Variants in ZNF189 observed in about 807,000 individuals in gnomAD.
The protein encoded by ZNF189 is zinc finger protein 189.
ZNF189 carries 33 observed loss-of-function variants against 53.5 expected under a neutral mutation model. The ratio of observed to expected loss-of-function variants is 0.62; its 90% CI spans 0.47 to 0.82. The LOEUF is 0.82. ZNF189 is among the 40% of genes least tolerant of loss of function. The pLI, the probability that ZNF189 is intolerant of heterozygous loss-of-function variation, is 0.00. For synonymous variants in ZNF189, 247 were observed against 238.8 expected, an observed-to-expected ratio of 1.03 and a Z score of -0.32; for missense variants, 711 against 753.9, an observed-to-expected ratio of 0.94 and a Z score of 0.67.
In ZNF189 at chr9:101,408,057, G is replaced by T; in HGVS notation, c.289G>T (p.Gly97Cys). Residue 97 changes from glycine to cysteine, a missense_variant, in exon 3 of 3, where the codon GGT becomes TGT. Physicochemically the swap from Gly to Cys is radical, Grantham distance 159 (BLOSUM62 -3). Coordinates refer to ENST00000339664, the MANE Select transcript of ZNF189 (RefSeq NM_003452.4). ...AAGTGAAATTGACCAGGATCCTATGGGTAGAGAAACATTTGAACTTGTTGG... is the reference window on the plus strand; with the variant it reads ...AAGTGAAATTGACCAGGATCCTATGTGTAGAGAAACATTTGAACTTGTTGG... Reference protein sequence around the residue: ...IKSEIDQDPMGRETFELVGRL... With the variant: ...IKSEIDQDPMCRETFELVGRL... The T allele has an allele frequency of 6.2e-7, 1 of 1,613,974 alleles. No individual in the cohort carries two copies. The highest frequency in any genetic ancestry group is 8.5e-7 in the Non-Finnish European group (1 of 1,179,978).
Position 101,398,966 on chromosome 9 carries a change from G to T in ZNF189, c.-191G>T. On this transcript the variant is annotated 5_prime_UTR_variant, in exon 1 of 3. Transcript: ENST00000339664. ...GTAGGGGTTGGGGTTCGGGGTTGGG[G>T]GACAGCCAGGGATCGCGTCTGATAT... The T allele has an allele frequency of 1.5e-6, 1 of 682,306 alleles. No homozygotes were observed. The highest frequency in any genetic ancestry group is 2.7e-6 in the Non-Finnish European group (1 of 371,076). The allele number at this position is 682,306 out of a possible 1,614,324, so 42.3% of individuals were successfully genotyped here. A position where few individuals can be genotyped will look rare whatever the true frequency, so the allele number is the denominator to read the frequency against.
In ZNF189 at chr9:101,409,374, G is replaced by A. The variant is rs1412947254; in HGVS notation, c.1606G>A (p.Gly536Ser). ...NLIRHQGVHT[G>S]NKPHKCDECG... ...TATTCGACATCAGGGTGTTCACACA[G>A]GTAATAAACCCCATAAATGTGATGA... The change falls in exon 3 of 3, where the codon GGT (glycine) becomes AGT (serine). Residue 536 changes from glycine (G) to serine (S), a missense_variant. By Grantham distance (56) the Gly-to-Ser change is moderately conservative (BLOSUM62 0). Coordinates refer to ENST00000339664, the MANE Select transcript of ZNF189 (RefSeq NM_003452.4). 6.2e-7 allele frequency: 1 copy of A among 1,614,120 alleles called. No individual in the cohort carries two copies. Among genetic ancestry groups the A allele is most frequent in the South Asian group, 1.1e-5 (1 of 91,082 alleles).
rs531734624 is a variant in ZNF189, at chr9:101,402,051, A to T, written c.160+2041A>T. Among the ~76,000 whole-genome samples, 327 of 152,172 alleles carry T rather than the reference A, an allele frequency of 2.1e-3. 3 individuals carry two copies. Among genetic ancestry groups the T allele is most frequent in the Non-Finnish European group, 5.1e-4 (35 of 68,008 alleles). ...TGCCTCAGCCTCCTGAGTAGCCGAG[A>T]CAAACAGGCATGCACCGCCACACCC... On this transcript the variant is annotated intron_variant, in intron 2 of 2. Coordinates refer to ENST00000339664, the MANE Select transcript of ZNF189 (RefSeq NM_003452.4).
Position 101,409,178 on chromosome 9 carries a change from T to A in ZNF189, c.1410T>A (p.His470Gln). Reference sequence around the variant, plus strand: ...GGAAAACTTTTAGTGTTAGTGCTCATCTTGTACAACATCAAAGAATCCACA... The same window carrying A: ...GGAAAACTTTTAGTGTTAGTGCTCAACTTGTACAACATCAAAGAATCCACA... ...ECGKTFSVSA[H>Q]LVQHQRIHTG... The change falls in exon 3 of 3, where the codon CAT (histidine) becomes CAA (glutamine). Residue 470 changes from histidine to glutamine, a missense_variant. His to Gln is a conservative substitution (Grantham distance 24). Transcript: ENST00000339664. 1.9e-6 allele frequency: 3 copies of A among 1,614,010 alleles called. No individual in the cohort carries two copies. The highest frequency in any genetic ancestry group is 2.5e-6 in the Non-Finnish European group (3 of 1,180,004).
Position 101,409,757 on chromosome 9 carries a change from C to A in ZNF189, c.*108C>A. ...TAGTGATAAAGCAAATTCTCCTTGGCCTCAGGCAAATAGTTTCTAAAGATT... is the reference window on the plus strand; with the variant it reads ...TAGTGATAAAGCAAATTCTCCTTGGACTCAGGCAAATAGTTTCTAAAGATT... On this transcript the variant is annotated 3_prime_UTR_variant, in exon 3 of 3. Coordinates refer to ENST00000339664, the MANE Select transcript of ZNF189 (RefSeq NM_003452.4). 1 of 1,282,940 alleles carries A rather than the reference C, an allele frequency of 7.8e-7. No homozygotes were observed. The highest frequency in any genetic ancestry group is 1.0e-6 in the Non-Finnish European group (1 of 957,508). The allele number at this position is 1,282,940 out of a possible 1,614,324, so 79.5% of individuals were successfully genotyped here.
At position 101,409,216 on chromosome 9, in the gene ZNF189, C is replaced by A. The variant is rs760600158; in HGVS notation, c.1448C>A (p.Pro483His). 4 of 1,613,440 alleles carry A rather than the reference C, an allele frequency of 2.5e-6. No homozygotes were observed. Among genetic ancestry groups the A allele is most frequent in the Non-Finnish European group, 3.4e-6 (4 of 1,179,546 alleles). ...CAAAGAATCCACACTGGTGAAAAGC[C>A]CTATCTATGTACTGTCTGTGGGAAA... Reference protein sequence around the residue: ...QHQRIHTGEKPYLCTVCGKSF... With the variant: ...QHQRIHTGEKHYLCTVCGKSF... The change falls in exon 3 of 3, where the codon CCC becomes CAC. Residue 483 changes from proline to histidine, a missense_variant. Coordinates refer to ENST00000339664, the MANE Select transcript of ZNF189 (RefSeq NM_003452.4).
Position 101,409,266 on chromosome 9 carries a change from A to C in ZNF189, c.1498A>C (p.Ile500Leu). Residue 500 changes from isoleucine (I) to leucine (L), a missense_variant, in exon 3 of 3, where the codon ATT becomes CTT. Coordinates refer to ENST00000339664, the MANE Select transcript of ZNF189 (RefSeq NM_003452.4). The stretch of plus-strand genomic sequence containing the variant: ...AAGCTTCAGCCGGAGCTCATTTCTT[A>C]TTGAACATCAGAGAATCCACACTGG... ...GKSFSRSSFLIEHQRIHTGER... is the reference protein window; with the variant it reads ...GKSFSRSSFLLEHQRIHTGER... 1 of 1,613,558 alleles carries C rather than the reference A, an allele frequency of 6.2e-7. No homozygotes were observed. The highest frequency in any genetic ancestry group is 8.5e-7 in the Non-Finnish European group (1 of 1,179,546).
chr9:101,403,764 A>C (rs1929489), intron 2 of ZNF189, among the ~76,000 whole-genome samples: 12,058 of 152,234 alleles, frequency 0.079, 542 homozygotes, highest in Middle Eastern at 0.16. Flanking sequence ...ATGGGGGCCC[A>C]ACCTTCATGA....
chr9:101,408,835 G>A lies in ZNF189; in HGVS notation c.1067G>A (p.Ser356Asn), dbSNP rs746065947. 1 of 1,614,138 alleles carries A rather than the reference G, an allele frequency of 6.2e-7. No homozygotes were observed. The highest frequency in any genetic ancestry group is 2.2e-5 in the East Asian group (1 of 44,878). Residue 356 changes from serine (S) to asparagine (N), a missense_variant, in exon 3 of 3, where the codon AGC becomes AAC. By Grantham distance (46) the Ser-to-Asn change is conservative. Transcript: ENST00000339664. Reference protein sequence around the residue: ...CIECGKSFSRSSFLIEHQRIH... With the variant: ...CIECGKSFSRNSFLIEHQRIH... ...GAGTGTGGAAAAAGTTTCAGTCGGA[G>A]CTCATTCCTTATTGAACATCAGAGG...
intron 2 of ZNF189, among the ~76,000 whole-genome samples, chr9:101,404,248 C>T (rs1219696251): frequency 6.6e-6 from 1 of 152,216 alleles, no homozygotes; most frequent in Non-Finnish European, 1.5e-5. Context: ...TTCGCTTTAA[C>T]AATATATTAC....
chr9:101,409,239 A>C lies in ZNF189; in HGVS notation c.1471A>C (p.Lys491Gln). 6.2e-7 allele frequency: 1 copy of C among 1,613,520 alleles called. No individual in the cohort carries two copies. Among genetic ancestry groups the C allele is most frequent in the Non-Finnish European group, 8.5e-7 (1 of 1,179,548 alleles). ...GCCCTATCTATGTACTGTCTGTGGG[A>C]AAAGCTTCAGCCGGAGCTCATTTCT... is the stretch of plus-strand genomic sequence containing the variant. ...EKPYLCTVCG[K>Q]SFSRSSFLIE... Residue 491 changes from lysine to glutamine, a missense_variant, in exon 3 of 3, where the codon AAA becomes CAA. Coordinates refer to ENST00000339664, the MANE Select transcript of ZNF189 (RefSeq NM_003452.4).
intron 2 of ZNF189, among the ~76,000 whole-genome samples, chr9:101,405,679 G>A (rs1023288211): frequency 1.3e-5 from 2 of 151,672 alleles, no homozygotes; most frequent in Admixed American, 6.6e-5. Context: ...AGTAGGGAAG[G>A]AAATAAAAGA....
Position 101,409,562 on chromosome 9 carries a change from C to G in ZNF189, c.1794C>G (p.Thr598=), listed in dbSNP as rs1198853103. ...KIHAEVKTQE[T]HECDACGEAF... ...ATGCAGAGGTGAAAACCCAAGAAAC[C>G]CATGAATGTGACGCTTGTGGTGAAG... The change falls in exon 3 of 3, where the codon ACC becomes ACG. Residue 598 remains threonine, a synonymous_variant. Transcript: ENST00000339664. The G allele has an allele frequency of 6.2e-7, 1 of 1,614,022 alleles. No homozygotes were observed. The highest frequency in any genetic ancestry group is 8.5e-7 in the Non-Finnish European group (1 of 1,179,990).
chr9:101,399,204 C>T lies in ZNF189; in HGVS notation c.33+15C>T, dbSNP rs376452157. 8.2e-6 allele frequency: 13 copies of T among 1,578,596 alleles called. No homozygotes were observed. The African/African-American group carries it at 9.4e-5, about 11-fold the overall frequency. ...CGGAGTCGAAGGTAAGTAAGCACCCCCCCGGGGATCCCGGTTGTCTCGCCG... is the reference window on the plus strand; with the variant it reads ...CGGAGTCGAAGGTAAGTAAGCACCCTCCCGGGGATCCCGGTTGTCTCGCCG... On this transcript the variant is annotated intron_variant, in intron 1 of 2. Coordinates refer to ENST00000339664, the MANE Select transcript of ZNF189 (RefSeq NM_003452.4).
Position 101,408,595 on chromosome 9 carries a change from T to C in ZNF189, c.827T>C (p.Ile276Thr), listed in dbSNP as rs1256416060. 6.2e-6 allele frequency: 10 copies of C among 1,614,044 alleles called. No homozygotes were observed. Among genetic ancestry groups the C allele is most frequent in the East Asian group, 2.2e-5 (1 of 44,884 alleles). ...GKAFSWKSHL[I>T]EHQRTHTGEK... ...GCCTTCAGTTGGAAATCACACCTTA[T>C]TGAGCATCAAAGAACTCACACTGGT... The change falls in exon 3 of 3, where the codon ATT (isoleucine) becomes ACT (threonine). Residue 276 changes from isoleucine (I) to threonine (T), a missense_variant. Transcript: ENST00000339664.
chr9:101,402,218 A>G (rs1390361344), intron 2 of ZNF189, among the ~76,000 whole-genome samples: 3 of 151,550 alleles, frequency 2.0e-5, no homozygotes, highest in African/African-American at 7.3e-5. Flanking sequence ...GCGTGGCCCA[A>G]ATCTTTATTT....
chr9:101,406,526 C>G (rs1470412755), intron 2 of ZNF189, among the ~76,000 whole-genome samples: 1 of 151,892 alleles, frequency 6.6e-6, no homozygotes, highest in Admixed American at 6.6e-5. Flanking sequence ...GAAAATACAG[C>G]CCACTGAAAA....
intron 2 of ZNF189, among the ~76,000 whole-genome samples, chr9:101,402,138 A>T (rs1363107339): frequency 6.6e-6 from 1 of 151,852 alleles, no homozygotes; most frequent in Non-Finnish European, 1.5e-5. Flanking sequence ...CTGGTCTCGA[A>T]CTCCCGATCT....
chr9:101,401,092 A>G (rs1830514555), intron 2 of ZNF189, among the ~76,000 whole-genome samples: 1 of 152,194 alleles, frequency 6.6e-6, no homozygotes, highest in Non-Finnish European at 1.5e-5. Context: ...TGTATTTGTT[A>G]TAAAATTCAC....
Sources: gnomAD v4.1 joint callset for allele counts (sites outside exome capture counted in the v4.1 genomes callset) on GRCh38, gnomAD v4.1.1 for gene constraint, MANE v1.5 for transcripts, NCBI Gene and HGNC (gene_info 2026-07-23, HGNC 2026-07-21) for gene names.